Variants in NR1H4 observed in about 807,000 individuals in gnomAD.
NR1H4 encodes bile acid receptor.
In NR1H4, 23 loss-of-function variants were observed where a neutral mutation model predicts 58.5. The observed-to-expected ratio is 0.39, with a 90% confidence interval of 0.28 to 0.56. NR1H4 has a LOEUF of 0.56. Among genes scored for constraint, NR1H4 ranks in the 20% least tolerant of loss-of-function variants. The pLI is 0.58. For missense variants in NR1H4, 487 were observed against 576.9 expected, an observed-to-expected ratio of 0.84 and a Z score of 1.60; for synonymous variants, 214 against 198.0, an observed-to-expected ratio of 1.08 and a Z score of -0.68.
intron 1 of NR1H4, among the ~76,000 whole-genome samples, chr12:100,485,731 A>G (rs1953478262): frequency 1.3e-5 from 2 of 151,950 alleles, no homozygotes; most frequent in South Asian, 4.2e-4. Context: ...AAGGGATTTC[A>G]CCATGTTGGC....
chr12:100,487,598 T>C (rs549401120), intron 1 of NR1H4, among the ~76,000 whole-genome samples: 123 of 142,496 alleles, frequency 8.6e-4, no homozygotes, highest in South Asian at 8.2e-3. Context: ...TCTTCTTCTT[T>C]TTTTTTTTTT....
intron 4 of NR1H4, among the ~76,000 whole-genome samples, chr12:100,512,078 C>G (rs2136163092): frequency 6.6e-6 from 1 of 151,454 alleles, no homozygotes; most frequent in African/African-American, 2.4e-5. Flanking sequence ...ACAAAAAATA[C>G]AAAAATTAGT....
intron 6 of NR1H4, among the ~76,000 whole-genome samples, chr12:100,535,364 G>A (rs1355079020): frequency 6.6e-6 from 1 of 152,178 alleles, no homozygotes; most frequent in East Asian, 1.9e-4. Flanking sequence ...CTCAAACTGG[G>A]AAGAACATGG....
intron 3 of NR1H4, among the ~76,000 whole-genome samples, chr12:100,499,447 G>GT (rs923631197): frequency 2.6e-5 from 4 of 152,120 alleles, no homozygotes; most frequent in Non-Finnish European, 5.9e-5. Context: ...TGTTACTTTG[G>GT]TTTTTTCTTT....
intron 4 of NR1H4, among the ~76,000 whole-genome samples, chr12:100,513,899 C>T (rs1954196708): frequency 6.6e-6 from 1 of 151,848 alleles, no homozygotes. Flanking sequence ...AAATGACAAG[C>T]CTTGAACTGG....
At chr12:100,476,079 C>G (rs1229360292) in intron 1 of NR1H4, among the ~76,000 whole-genome samples, 1 of 152,050 alleles carries the variant, frequency 6.6e-6, no homozygotes, top group Non-Finnish European at 1.5e-5. Context: ...AACTGAGACT[C>G]AAAAAATACA....
intron 1 of NR1H4, among the ~76,000 whole-genome samples, chr12:100,481,292 C>T (rs145003493): frequency 7.6e-4 from 116 of 152,074 alleles, no homozygotes; most frequent in African/African-American, 2.5e-3. Flanking sequence ...AAGTTAGTCA[C>T]GGAGAAAGCA....
chr12:100,534,924 A>G lies in NR1H4; in HGVS notation c.633A>G (p.Arg211=). The G allele has an allele frequency of 6.2e-7, 1 of 1,614,218 alleles. No individual in the cohort carries two copies. The highest frequency in any genetic ancestry group is 1.1e-5 in the South Asian group (1 of 91,080). Residue 211 remains arginine (R), a synonymous_variant, in exon 6 of 11, where the codon CGA becomes CGG. Transcript: ENST00000392986. ...CTGAAATTCAGTGTAAATCTAAGCG[A>G]CTGAGAAAAAATGTGAAGCAGCATG... ...LLTEIQCKSK[R]LRKNVKQHAD... is the part of the protein sequence containing the mutation.
chr12:100,559,200 G>A lies in NR1H4; in HGVS notation c.1079-2685G>A, dbSNP rs570258221. Among the ~76,000 whole-genome samples the A allele has an allele frequency of 2.0e-5, 3 of 152,358 alleles. No individual in the cohort carries two copies. In the East Asian group the frequency reaches 5.8e-4, roughly 29 times the overall value. On this transcript the variant is annotated intron_variant, in intron 9 of 10. Transcript: ENST00000392986. ...TGATTTTTAGAAAGGTCATTCCAAT[G>A]AGAGGTGACAGCGTGCTGGCAGTCC...
chr12:100,484,823 T>C (rs568521291), intron 1 of NR1H4, among the ~76,000 whole-genome samples: 25 of 152,318 alleles, frequency 1.6e-4, no homozygotes, highest in African/African-American at 5.3e-4. Flanking sequence ...TAGTTCCCCA[T>C]TGACCACAGT....
Position 100,519,295 on chromosome 12 carries a change from T to C in NR1H4, c.445+8152T>C, listed in dbSNP as rs531494328. ...ACCCCCGCCAAAATTCTTCTGGCGGTTTATCTAAGTACCAGGATTAAGGGA... is the reference window on the plus strand; with the variant it reads ...ACCCCCGCCAAAATTCTTCTGGCGGCTTATCTAAGTACCAGGATTAAGGGA... On this transcript the variant is annotated intron_variant, in intron 4 of 10. Transcript: ENST00000392986. Among the ~76,000 whole-genome samples the C allele has an allele frequency of 5.9e-5, 9 of 152,138 alleles. No homozygotes were observed. The East Asian group carries it at 1.7e-3, about 30-fold the overall frequency.
chr12:100,488,670 A>G (rs1433626917), intron 1 of NR1H4, among the ~76,000 whole-genome samples: 1 of 152,220 alleles, frequency 6.6e-6, no homozygotes, highest in Non-Finnish European at 1.5e-5. Context: ...AAGAACAGGA[A>G]TGATTAAAAA....
At chr12:100,558,349 C>CAAAAAA (rs10617220) in intron 9 of NR1H4, among the ~76,000 whole-genome samples, 1 of 79,966 alleles carries the variant, frequency 1.3e-5, no homozygotes, top group African/African-American at 5.1e-5. Context: ...GATTCCATCT[C>CAAAAAA]AAAAAAAAAA....
intron 3 of NR1H4, among the ~76,000 whole-genome samples, chr12:100,508,390 C>T (rs554144726): frequency 6.6e-5 from 10 of 151,924 alleles, no homozygotes; most frequent in Admixed American, 6.6e-5. Context: ...TATGTGCAAG[C>T]GGAGGCCGAG....
intron 9 of NR1H4, among the ~76,000 whole-genome samples, chr12:100,556,564 T>C (rs1359209336): frequency 6.6e-6 from 1 of 152,102 alleles, no homozygotes; most frequent in African/African-American, 2.4e-5. Context: ...TTCATCTAAA[T>C]GTTTGTAGCT....
intron 3 of NR1H4, among the ~76,000 whole-genome samples, chr12:100,506,769 A>G (rs1362337900): frequency 2.0e-5 from 3 of 152,214 alleles, no homozygotes; most frequent in African/African-American, 7.2e-5. Context: ...TTGCCTCCCA[A>G]AGTGCTGGGA....
In NR1H4 at chr12:100,536,602, A is replaced by C. The variant is rs780071821; in HGVS notation, c.823A>C (p.Asn275His). 1.3e-6 allele frequency: 2 copies of C among 1,515,618 alleles called. No individual in the cohort carries two copies. The highest frequency in any genetic ancestry group is 1.8e-6 in the Non-Finnish European group (2 of 1,090,528). 93.9% of individuals were successfully genotyped at this position (1,515,618 alleles called of 1,614,324 possible). The change falls in exon 7 of 11, where the codon AAT becomes CAT. Residue 275 changes from asparagine to histidine, a missense_variant. By Grantham distance (68) the Asn-to-His change is moderately conservative. Coordinates refer to ENST00000392986, the MANE Select transcript of NR1H4 (RefSeq NM_001206979.2). Reference protein sequence around the residue: ...NKQRMPQEITNKILKEEFSAE... With the variant: ...NKQRMPQEITHKILKEEFSAE... ...ACAGAGGATGCCTCAGGAAATAACA[A>C]ATAAAATTGTATGTATAATATCTGA...
chr12:100,530,264 A>G (rs1022757022), intron 4 of NR1H4, among the ~76,000 whole-genome samples: 4 of 152,202 alleles, frequency 2.6e-5, no homozygotes, highest in Non-Finnish European at 5.9e-5. Context: ...TTCCTAGCCA[A>G]CTACTAACCA....
intron 1 of NR1H4, among the ~76,000 whole-genome samples, chr12:100,478,562 A>G (rs1217480958): frequency 6.6e-6 from 1 of 152,224 alleles, no homozygotes; most frequent in African/African-American, 2.4e-5. Context: ...ACCTTCCCCT[A>G]GCCCTATTCT....
Sources: allele counts gnomAD v4.1 joint callset (sites outside exome capture counted in the v4.1 genomes callset), GRCh38; gene constraint gnomAD v4.1.1; transcripts MANE v1.5; gene names NCBI Gene and HGNC (gene_info 2026-07-23, HGNC 2026-07-21).